The following ATP8B4 variants were observed in gnomAD, a reference collection of about 807,000 sequenced individuals.
ATP8B4 encodes the protein probable phospholipid-transporting ATPase IM.
Under a neutral mutation model 145.6 loss-of-function variants are expected in ATP8B4, and 133 were observed. That is an observed-to-expected ratio of 0.91 (90% confidence interval 0.79 to 1.05). ATP8B4 has a LOEUF of 1.05. Among genes scored for constraint, ATP8B4 ranks in the 50% least tolerant of loss-of-function variants. The probability of loss-of-function intolerance (pLI) is 0.00; values close to 1 mark genes in which losing one functional copy is unlikely to be tolerated. For synonymous variants in ATP8B4, 507 were observed against 492.9 expected (o/e 1.03, Z -0.38); for missense variants, 1,458 against 1,425.2 (o/e 1.02, Z -0.37).
chr15:49,986,334 A>C (rs1460275779), intron 10 of ATP8B4, among the ~76,000 whole-genome samples: 1 of 152,232 alleles, frequency 6.6e-6, no homozygotes, highest in East Asian at 1.9e-4. Context: ...ATCATTAAGT[A>C]GGAAGATAAA....
rs1468597842 is a variant in ATP8B4 at position 49,859,231 on chromosome 15, G to A, written c.*963C>T. 3.3e-5 allele frequency: 5 copies of A among 152,160 alleles called. No individual in the cohort carries two copies. Among genetic ancestry groups the A allele is most frequent in the Non-Finnish European group, 5.9e-5 (4 of 68,032 alleles). The allele number at this position is 152,160 out of a possible 1,614,324, so 9.4% of individuals were successfully genotyped here. On this transcript the variant is annotated 3_prime_UTR_variant, in exon 28 of 28. Transcript: ENST00000284509. ...CTAATTTTAAACAATCTAAACCTGA[G>A]TTTTTAAATAGTAATTAAAACAATT...
intron 9 of ATP8B4, among the ~76,000 whole-genome samples, chr15:49,989,809 G>A (rs1403923297): frequency 1.3e-5 from 2 of 152,046 alleles, no homozygotes; most frequent in Non-Finnish European, 2.9e-5. Flanking sequence ...AGCTCTATTA[G>A]CATAAAACAC....
At position 50,107,022 on chromosome 15, in the gene ATP8B4, G is replaced by T. The variant is rs2056718383; in HGVS notation, c.-42-14C>A. On this transcript the variant is annotated splice_polypyrimidine_tract_variant and intron_variant, in intron 1 of 27. Transcript: ENST00000284509. ...CAGGTGGCCTACCTAAGAAAAAGAAGTATGCATATTAGTATCTGAAAAATG... is the reference window on the plus strand; with the variant it reads ...CAGGTGGCCTACCTAAGAAAAAGAATTATGCATATTAGTATCTGAAAAATG... The T allele has an allele frequency of 6.7e-7, 1 of 1,497,606 alleles. No individual in the cohort carries two copies. Among genetic ancestry groups the T allele is most frequent in the Admixed American group, 2.2e-5 (1 of 44,994 alleles). The allele number at this position is 1,497,606 out of a possible 1,614,324, so 92.8% of individuals were successfully genotyped here. A position where few individuals can be genotyped will look rare whatever the true frequency, so the allele number is the denominator to read the frequency against.
chr15:49,867,970 T>C (rs561095062), intron 25 of ATP8B4, among the ~76,000 whole-genome samples: 1 of 152,120 alleles, frequency 6.6e-6, no homozygotes, highest in Non-Finnish European at 1.5e-5. Flanking sequence ...CAAAAAGATA[T>C]GAGACATGAA....
chr15:50,130,705 G>A lies in ATP8B4; in HGVS notation c.-42-23697C>T, dbSNP rs1031025952. Among the ~76,000 whole-genome samples the A allele has an allele frequency of 3.9e-5, 6 of 152,130 alleles. No individual in the cohort carries two copies. In the South Asian group the frequency reaches 1.0e-3, roughly 26 times the overall value. ...GCAGGAGAATTGCTTGAACCCAGGAGGCAGAGGCTGCAGTGAGTCGAGATG... is the reference window on the plus strand; with the variant it reads ...GCAGGAGAATTGCTTGAACCCAGGAAGCAGAGGCTGCAGTGAGTCGAGATG... On this transcript the variant is annotated intron_variant, in intron 1 of 3. Transcript: ENST00000558829.
chr15:49,975,993 CTAGA>C (rs1481011082), intron 12 of ATP8B4, among the ~76,000 whole-genome samples: 1 of 152,092 alleles, frequency 6.6e-6, no homozygotes, highest in Non-Finnish European at 1.5e-5. Context: ...GAAAGTTGGG[CTAGA>C]TGACACTCAA....
chr15:50,045,429 A>G (rs992402554), intron 4 of ATP8B4, among the ~76,000 whole-genome samples: 1 of 152,178 alleles, frequency 6.6e-6, no homozygotes, highest in Admixed American at 6.5e-5. Flanking sequence ...AGAGAGACAT[A>G]GTGACAGTGG....
intron 10 of ATP8B4, among the ~76,000 whole-genome samples, chr15:49,986,945 C>T (rs1567147688): frequency 8.1e-6 from 1 of 124,210 alleles, no homozygotes; most frequent in Non-Finnish European, 1.6e-5. Context: ...GGAGTATAAA[C>T]AGAAATGATT....
At chr15:50,102,771 C>G (rs1346708890) in intron 2 of ATP8B4, among the ~76,000 whole-genome samples, 1 of 137,834 alleles carries the variant, frequency 7.3e-6, no homozygotes, top group African/African-American at 2.7e-5. Context: ...ATACCAAAAC[C>G]AGGGATGGAC....
chr15:50,029,255 A>AAAAAAAAAAAAAAAAAAAC (rs776952913), intron 6 of ATP8B4, among the ~76,000 whole-genome samples: 4 of 141,158 alleles, frequency 2.8e-5, no homozygotes, highest in Non-Finnish European at 6.4e-5. Context: ...AAAAAAAAAA[A>AAAAAAAAAAAAAAAAAAAC]AACAGAAAAA....
chr15:49,923,939 G>A (rs2040483095), intron 16 of ATP8B4, among the ~76,000 whole-genome samples: 1 of 151,830 alleles, frequency 6.6e-6, no homozygotes, highest in Non-Finnish European at 1.5e-5. Flanking sequence ...GCCATTCAAA[G>A]TCATGGTTTA....
chr15:49,986,725 A>C (rs938634911), intron 10 of ATP8B4, among the ~76,000 whole-genome samples: 2 of 152,266 alleles, frequency 1.3e-5, no homozygotes, highest in Non-Finnish European at 2.9e-5. Flanking sequence ...AATTGAAGCC[A>C]TGAGTACAAT....
upstream of ATP8B4, among the ~76,000 whole-genome samples, chr15:50,121,747 G>A (rs931519538): frequency 1.3e-5 from 2 of 152,072 alleles, no homozygotes; most frequent in Non-Finnish European, 2.9e-5. Context: ...TATGTGCACT[G>A]TCAGAACGCC....
chr15:50,137,418 A>G (rs922130695), intron 1 of ATP8B4, among the ~76,000 whole-genome samples: 1 of 152,188 alleles, frequency 6.6e-6, no homozygotes, highest in African/African-American at 2.4e-5. Flanking sequence ...GACTGAGGAG[A>G]GCCACTGTGT....
At chr15:50,025,865 G>C (rs774081783) in intron 6 of ATP8B4, among the ~76,000 whole-genome samples, 5 of 152,160 alleles carry the variant, frequency 3.3e-5, no homozygotes, top group Non-Finnish European at 5.9e-5. Flanking sequence ...GTAAATGAAA[G>C]GTAAGGAGAC....
intron 22 of ATP8B4, 79 bp downstream of exon 22, chr15:49,897,989 T>C: frequency 2.0e-6 from 3 of 1,476,822 alleles, no homozygotes; most frequent in South Asian, 1.2e-5. Context: ...TAATGCAATC[T>C]AGTGATTATA....
At chr15:50,152,150 T>C (rs1297535984) in intron 1 of ATP8B4, among the ~76,000 whole-genome samples, 1 of 152,218 alleles carries the variant, frequency 6.6e-6, no homozygotes, top group Non-Finnish European at 1.5e-5. Context: ...TAGAAACCTG[T>C]ATTTAAGAGT....
chr15:50,103,477 T>A (rs1458510367), intron 2 of ATP8B4, among the ~76,000 whole-genome samples: 1 of 151,954 alleles, frequency 6.6e-6, no homozygotes, highest in Non-Finnish European at 1.5e-5. Context: ...AATGAAGAAC[T>A]CAAACCTTTT....
At chr15:49,864,447 ATC>A (rs1238088519) in intron 26 of ATP8B4, among the ~76,000 whole-genome samples, 4 of 152,198 alleles carry the variant, frequency 2.6e-5, no homozygotes, top group Non-Finnish European at 5.9e-5. Context: ...GTCACTGCGC[ATC>A]TCTCTTTTCC....
Sources: allele counts gnomAD v4.1 joint callset (sites outside exome capture counted in the v4.1 genomes callset), GRCh38; gene constraint gnomAD v4.1.1; transcripts MANE v1.5; gene names NCBI Gene and HGNC (gene_info 2026-07-23, HGNC 2026-07-21).